Variants in RASGRF1 observed in about 807,000 individuals in gnomAD.
The protein encoded by RASGRF1 is ras-specific guanine nucleotide-releasing factor 1.
RASGRF1 carries 40 observed loss-of-function variants against 138.7 expected under a neutral mutation model. That is an observed-to-expected ratio of 0.29 (90% CI 0.22 to 0.38). The LOEUF is 0.38. RASGRF1 is among the 10% of genes least tolerant of loss of function. The pLI is 1.00. For synonymous variants in RASGRF1, 614 were observed against 663.2 expected (o/e 0.93, Z 1.14); for missense variants, 1,108 against 1,650.4 (o/e 0.67, Z 5.69).
intron 20 of RASGRF1, among the ~76,000 whole-genome samples, chr15:78,995,295 T>TC (rs2056368079): frequency 1.3e-5 from 2 of 150,068 alleles, no homozygotes; most frequent in South Asian, 2.1e-4. Context: ...TCTTTCTTTT[T>TC]TTTTTTTTTT....
Position 79,017,686 on chromosome 15 carries a change from C to A in RASGRF1, c.1743+84G>T, listed in dbSNP as rs369770065. The A allele has an allele frequency of 8.1e-5, 117 of 1,439,198 alleles. No homozygotes were observed. In the African/African-American group the frequency reaches 1.6e-3, roughly 19 times the overall value. 89.2% of individuals were successfully genotyped at this position (1,439,198 alleles called of 1,614,324 possible). ...CAGTGCAGCTACTCCACCACCCCCA[C>A]CCCCTACCTGCCACCAGCCAAATCC... On this transcript the variant is annotated intron_variant, in intron 12 of 26. Transcript: ENST00000558480.
At chr15:79,012,298 C>A (rs1006504364) in intron 13 of RASGRF1, among the ~76,000 whole-genome samples, 2 of 152,190 alleles carry the variant, frequency 1.3e-5, no homozygotes, top group Non-Finnish European at 2.9e-5. Flanking sequence ...TCCTTCGAGG[C>A]CAGCTCTAAT....
chr15:78,990,319 C>T (rs762287223), intron 21 of RASGRF1, 46 bp from the exon 22 acceptor site: 9 of 1,312,582 alleles, frequency 6.9e-6, no homozygotes, highest in Non-Finnish European at 9.9e-6. Flanking sequence ...TGAGGTTTGC[C>T]TTGCTGATTT....
At chr15:78,964,504 G>T (rs577469874) in intron 26 of RASGRF1, among the ~76,000 whole-genome samples, 1 of 152,218 alleles carries the variant, frequency 6.6e-6, no homozygotes, top group East Asian at 1.9e-4. Flanking sequence ...GCACATCAAA[G>T]TTTAAGGAGA....
intron 7 of RASGRF1, 40 bp from the exon 8 acceptor site, chr15:79,031,549 AGGGAAGTATGGCCG>A (rs763193092): frequency 1.5e-6 from 2 of 1,366,048 alleles, no homozygotes; most frequent in African/African-American, 2.9e-5. Flanking sequence ...AGAAAGAGCC[AGGGAAGTATGGCCG>A]GGGAGCAAGG....
chr15:79,004,812 C>T, intron 14 of RASGRF1: 1 of 985,538 alleles, frequency 1.0e-6, no homozygotes. Context: ...AGGCTGTCTG[C>T]TCCACGTTGC....
intron 12 of RASGRF1, among the ~76,000 whole-genome samples, chr15:79,016,774 G>T (rs576241690): frequency 5.5e-4 from 84 of 152,346 alleles, no homozygotes; most frequent in African/African-American, 1.9e-3. Flanking sequence ...GCTGGGAGCG[G>T]CAGTCAGGGG....
chr15:79,055,592 ACTCT>A, intron 3 of RASGRF1, among the ~76,000 whole-genome samples: 1 of 151,568 alleles, frequency 6.6e-6, no homozygotes, highest in Admixed American at 6.6e-5. Context: ...ACACACACAC[ACTCT>A]CTCACTCAGT....
chr15:79,003,765 G>A (rs2056600258), intron 15 of RASGRF1, 37 bp downstream of exon 15: 8 of 1,549,028 alleles, frequency 5.2e-6, no homozygotes, highest in Middle Eastern at 1.8e-4. Flanking sequence ...GTGGGGCTGG[G>A]AGGCTGGGGG....
At chr15:78,978,715 A>G in intron 24 of RASGRF1, 1 of 1,088,850 alleles carries the variant, frequency 9.2e-7, no homozygotes, top group Non-Finnish European at 1.1e-6. Context: ...TATTCATGCA[A>G]CACCGCTCTT....
chr15:78,982,154 T>C (rs1272612190), intron 23 of RASGRF1, among the ~76,000 whole-genome samples: 1 of 152,140 alleles, frequency 6.6e-6, no homozygotes, highest in Non-Finnish European at 1.5e-5. Context: ...TAAGTCCAGG[T>C]GTTCCCTAAG....
chr15:79,023,843 G>T (rs918758159), intron 10 of RASGRF1, among the ~76,000 whole-genome samples: 2 of 152,066 alleles, frequency 1.3e-5, no homozygotes, highest in African/African-American at 4.8e-5. Flanking sequence ...GGAGATGAAA[G>T]AAAAGCTCCA....
intron 8 of RASGRF1, among the ~76,000 whole-genome samples, chr15:79,030,318 T>G (rs2057119131): frequency 6.6e-6 from 1 of 152,162 alleles, no homozygotes; most frequent in Non-Finnish European, 1.5e-5. Flanking sequence ...TTTGTAGCCC[T>G]TGGCAGCCTA....
At chr15:79,051,843 T>C (rs1444971629) in intron 3 of RASGRF1, among the ~76,000 whole-genome samples, 2 of 152,218 alleles carry the variant, frequency 1.3e-5, no homozygotes, top group Non-Finnish European at 2.9e-5. Context: ...GCAAAAGTCT[T>C]GAACTATGTC....
chr15:78,969,283 T>C (rs967456424), intron 26 of RASGRF1, among the ~76,000 whole-genome samples: 8 of 152,214 alleles, frequency 5.3e-5, no homozygotes, highest in Admixed American at 3.3e-4. Context: ...GAATGTCCCA[T>C]ATTCTGAAAT....
At chr15:79,057,615 G>A (rs137998143) in intron 3 of RASGRF1, among the ~76,000 whole-genome samples, 19 of 152,334 alleles carry the variant, frequency 1.2e-4, no homozygotes, top group African/African-American at 4.6e-4. Context: ...TAGCTGGTGA[G>A]GGGCATCTAA....
intron 10 of RASGRF1, among the ~76,000 whole-genome samples, chr15:79,024,019 TCACA>T (rs79187609): frequency 0.47 from 69,685 of 149,270 alleles, 17,780 homozygotes; most frequent in South Asian, 0.63. Context: ...GATACACACA[TCACA>T]CACACACACA....
chr15:78,970,621 CAAAAAAAAA>C (rs55689628), intron 26 of RASGRF1, among the ~76,000 whole-genome samples: 5 of 57,902 alleles, frequency 8.6e-5, no homozygotes, highest in South Asian at 6.5e-4. Context: ...GACTCTGTCT[CAAAAAAAAA>C]AAAAAAAAAA....
At chr15:79,025,233 G>T in intron 10 of RASGRF1, 81 bp downstream of exon 10, 2 of 1,438,694 alleles carry the variant, frequency 1.4e-6, no homozygotes. Context: ...CCACCACCTG[G>T]GCCCATAGAC....
Sources: allele counts gnomAD v4.1 joint callset (sites outside exome capture counted in the v4.1 genomes callset), GRCh38; gene constraint gnomAD v4.1.1; transcripts MANE v1.5; gene names NCBI Gene and HGNC (gene_info 2026-07-23, HGNC 2026-07-21).